Variants in CLSTN2 observed in about 807,000 individuals in gnomAD.
The protein encoded by CLSTN2 is calsyntenin 2, also known as calsyntenin-2.
A neutral mutation model predicts 101.2 loss-of-function variants in CLSTN2; 48 were observed. The ratio of observed to expected loss-of-function variants is 0.47; its 90% CI spans 0.38 to 0.60. CLSTN2 has a LOEUF of 0.60. Ranked by LOEUF, CLSTN2 falls within the 20% of genes least tolerant of loss-of-function variation. The pLI, the probability that CLSTN2 is intolerant of heterozygous loss-of-function variation, is 0.00. For synonymous variants in CLSTN2, 481 were observed against 463.6 expected, an observed-to-expected ratio of 1.04 and a Z score of -0.48; for missense variants, 1,160 against 1,238.2, an observed-to-expected ratio of 0.94 and a Z score of 0.95.
chr3:139,935,350 C>G lies in CLSTN2; in HGVS notation c.-25C>G. 8.4e-7 allele frequency: 1 copy of G among 1,193,952 alleles called. No individual in the cohort carries two copies. The highest frequency in any genetic ancestry group is 1.6e-5 in the African/African-American group (1 of 63,538). 74.0% of individuals were successfully genotyped at this position (1,193,952 alleles called of 1,614,324 possible). A position where few individuals can be genotyped will look rare whatever the true frequency, so the allele number is the denominator to read the frequency against. On this transcript the variant is annotated 5_prime_UTR_variant, in exon 1 of 17. Transcript: ENST00000458420. This position sits in a 1 kb window ranked among gnomAD's most constrained non-coding sequence, Gnocchi z 5.5. ...CGGCGCGGACAGTAGGCGGCGGCTGCAGCTCGTTGGCGGCTGCTGCGAGGA... is the reference window on the plus strand; with the variant it reads ...CGGCGCGGACAGTAGGCGGCGGCTGGAGCTCGTTGGCGGCTGCTGCGAGGA...
intron 1 of CLSTN2, among the ~76,000 whole-genome samples, chr3:140,137,360 C>G (rs1389699380): frequency 2.3e-5 from 1 of 44,206 alleles, no homozygotes. Context: ...CAACCCGCAT[C>G]ATTCTTATAC....
intron 2 of CLSTN2, among the ~76,000 whole-genome samples, chr3:140,312,084 C>G (rs2087174754): frequency 6.6e-6 from 1 of 152,198 alleles, no homozygotes; most frequent in Non-Finnish European, 1.5e-5. Flanking sequence ...ATAGGGATAT[C>G]TTCCCCAAAT....
chr3:140,213,027 C>T lies in CLSTN2; in HGVS notation c.232+36954C>T, dbSNP rs1248875440. Among the ~76,000 whole-genome samples the T allele has an allele frequency of 3.3e-5, 5 of 152,312 alleles. No individual in the cohort carries two copies. In the East Asian group the frequency reaches 5.8e-4, roughly 18 times the overall value. On this transcript the variant is annotated intron_variant, in intron 2 of 16. Transcript: ENST00000458420. The stretch of plus-strand genomic sequence containing the variant: ...ATGGATATTGGCAAATAAATGAACC[C>T]ATCATCAAGCAATTAAACTTCAAAT...
chr3:140,423,703 C>G (rs571827005), intron 5 of CLSTN2, among the ~76,000 whole-genome samples: 1 of 152,238 alleles, frequency 6.6e-6, no homozygotes. Context: ...TTGCTACATG[C>G]CCAGACATGT....
chr3:140,046,009 G>C (rs978365250), intron 1 of CLSTN2, among the ~76,000 whole-genome samples: 3 of 152,228 alleles, frequency 2.0e-5, no homozygotes, highest in Non-Finnish European at 4.4e-5. Context: ...TTAGGGTGGA[G>C]AGTTCTGTAA....
chr3:140,235,952 G>C (rs1252149911), intron 2 of CLSTN2, among the ~76,000 whole-genome samples: 1 of 152,158 alleles, frequency 6.6e-6, no homozygotes, highest in Non-Finnish European at 1.5e-5. Context: ...AGGATGGTTT[G>C]TCATGGATGG....
At chr3:140,076,625 GT>G (rs35645750) in intron 1 of CLSTN2, among the ~76,000 whole-genome samples, 5,038 of 37,728 alleles carry the variant, frequency 0.13, 308 homozygotes, top group Middle Eastern at 0.21. Flanking sequence ...CACCAGCAGT[GT>G]TTTTTTTTTT....
In CLSTN2 at chr3:140,397,476, G is replaced by A. The variant is rs531194748; in HGVS notation, c.233-6153G>A. On this transcript the variant is annotated intron_variant, in intron 2 of 16. Coordinates refer to ENST00000458420, the MANE Select transcript of CLSTN2 (RefSeq NM_022131.3). ...CTCCAACCATTAAAGCTGCTGTAAC[G>A]AAATACCTTAGAGTGGTGTCTTATA... Among the ~76,000 whole-genome samples, 13 of 152,292 alleles carry A rather than the reference G, an allele frequency of 8.5e-5. No individual in the cohort carries two copies. The South Asian group carries it at 2.1e-3, about 24-fold the overall frequency.
intron 1 of CLSTN2, among the ~76,000 whole-genome samples, chr3:139,966,650 T>C (rs1286477055): frequency 1.3e-5 from 2 of 152,236 alleles, no homozygotes; most frequent in Non-Finnish European, 2.9e-5. Context: ...GGAGCATGAA[T>C]AATACTGCAT....
chr3:139,944,222 A>G (rs973618214), intron 1 of CLSTN2, among the ~76,000 whole-genome samples: 2 of 152,220 alleles, frequency 1.3e-5, no homozygotes, highest in Non-Finnish European at 2.9e-5. Context: ...TATCCAGTTT[A>G]CCCAAGTAGT....
At chr3:140,245,647 T>C (rs1482139187) in intron 2 of CLSTN2, among the ~76,000 whole-genome samples, 1 of 83,912 alleles carries the variant, frequency 1.2e-5, no homozygotes, top group African/African-American at 4.3e-5. Flanking sequence ...CAGAGACCAT[T>C]AGCTCCGCCC....
intron 2 of CLSTN2, among the ~76,000 whole-genome samples, chr3:140,351,817 AAAG>A: frequency 6.6e-6 from 1 of 150,690 alleles, no homozygotes; most frequent in Non-Finnish European, 1.5e-5. Flanking sequence ...TAATAGGCTT[AAAG>A]CAAATGAAAC....
chr3:140,440,507 T>C (rs1432253254), intron 5 of CLSTN2, among the ~76,000 whole-genome samples: 1 of 152,246 alleles, frequency 6.6e-6, no homozygotes, highest in Non-Finnish European at 1.5e-5. Context: ...AAAAGCCATG[T>C]AATTTAATGC....
chr3:140,507,889 C>A (rs74965528), intron 8 of CLSTN2: 1 of 152,102 alleles, frequency 6.6e-6, no homozygotes, highest in Non-Finnish European at 1.5e-5. Flanking sequence ...ATTTTCTACC[C>A]ATCTTATAGA....
intron 1 of CLSTN2, among the ~76,000 whole-genome samples, chr3:140,089,674 G>A (rs1056807764): frequency 6.6e-6 from 1 of 151,404 alleles, no homozygotes; most frequent in Non-Finnish European, 1.5e-5. Context: ...GTGCAGTGGT[G>A]CAACCTTGGC....
At chr3:140,214,646 A>G (rs2107848612) in intron 2 of CLSTN2, among the ~76,000 whole-genome samples, 1 of 152,300 alleles carries the variant, frequency 6.6e-6, no homozygotes, top group Admixed American at 6.5e-5. Context: ...GACTTTCAGT[A>G]AAGAATCCCC....
chr3:140,201,068 T>C (rs1169143462), intron 2 of CLSTN2, among the ~76,000 whole-genome samples: 1 of 152,220 alleles, frequency 6.6e-6, no homozygotes, highest in Admixed American at 6.5e-5. Context: ...TAAATGAGCA[T>C]AAAGCCCTAT....
intron 2 of CLSTN2, among the ~76,000 whole-genome samples, chr3:140,188,978 A>C (rs947256677): frequency 6.6e-6 from 1 of 152,190 alleles, no homozygotes; most frequent in Non-Finnish European, 1.5e-5. Flanking sequence ...GTTCTCATTC[A>C]GTAATTTAGT....
chr3:140,269,876 C>T (rs2086726392), intron 2 of CLSTN2, among the ~76,000 whole-genome samples: 1 of 152,172 alleles, frequency 6.6e-6, no homozygotes, highest in Non-Finnish European at 1.5e-5. Flanking sequence ...CTGAAGCTTT[C>T]TCATTTGGAA....
Sources: allele counts gnomAD v4.1 joint callset (sites outside exome capture counted in the v4.1 genomes callset), GRCh38; gene constraint gnomAD v4.1.1; non-coding constraint Gnocchi (gnomAD v3.1); transcripts MANE v1.5; gene names NCBI Gene and HGNC (gene_info 2026-07-23, HGNC 2026-07-21).